CHEK1: variants seen among roughly 807,000 people sequenced by gnomAD.
CHEK1 encodes checkpoint kinase 1.
A neutral mutation model predicts 60.2 loss-of-function variants in CHEK1; 32 were observed. The ratio of observed to expected loss-of-function variants is 0.53; its 90% CI spans 0.40 to 0.71. CHEK1 has a LOEUF of 0.71. Among genes scored for constraint, CHEK1 ranks in the 30% least tolerant of loss-of-function variants. The probability of loss-of-function intolerance (pLI) is 0.00; values close to 1 mark genes in which losing one functional copy is unlikely to be tolerated. For missense variants in CHEK1, 399 were observed against 564.6 expected (o/e 0.71, Z 2.97); for synonymous variants, 179 against 187.2 (o/e 0.96, Z 0.36).
intron 13 of CHEK1, among the ~76,000 whole-genome samples, chr11:125,674,171 C>CTATG (rs1484339292): frequency 6.6e-6 from 1 of 152,050 alleles, no homozygotes; most frequent in East Asian, 1.9e-4. Flanking sequence ...TAGTAAGGAA[C>CTATG]TATGCTAGAC....
At chr11:125,669,707 G>A (rs1296863554) in intron 13 of CHEK1, among the ~76,000 whole-genome samples, 2 of 151,256 alleles carry the variant, frequency 1.3e-5, no homozygotes, top group East Asian at 3.9e-4. Context: ...TATTTTTTTA[G>A]TAGAGACGGG....
chr11:125,678,979 T>TATATATATATATATATAG, downstream of CHEK1, among the ~76,000 whole-genome samples: 1 of 16,290 alleles, frequency 6.1e-5, no homozygotes, highest in African/African-American at 3.2e-4. Flanking sequence ...CTAGGCATAT[T>TATATATATATATATATAG]ATATATATAT....
At chr11:125,641,669 T>C (rs1591405843) in intron 8 of CHEK1, among the ~76,000 whole-genome samples, 1 of 152,222 alleles carries the variant, frequency 6.6e-6, no homozygotes, top group African/African-American at 2.4e-5. Context: ...ATTATTCTTA[T>C]TATGCAGATC....
chr11:125,650,194 A>T (rs1941662219), intron 11 of CHEK1, among the ~76,000 whole-genome samples: 1 of 149,484 alleles, frequency 6.7e-6, no homozygotes, highest in African/African-American at 2.5e-5. Context: ...CATTATGTTT[A>T]TTGTTGGTAT....
At chr11:125,643,983 T>C (rs1941399669) in intron 9 of CHEK1, 83 bp downstream of exon 9, 2 of 1,529,230 alleles carry the variant, frequency 1.3e-6, no homozygotes, top group Non-Finnish European at 9.0e-7. Flanking sequence ...TTCATAATAA[T>C]CGACATTAAC....
chr11:125,626,032 A>G lies in CHEK1; in HGVS notation c.-21+20A>G, dbSNP rs369811098. On this transcript the variant is annotated intron_variant, in intron 1 of 12. Coordinates refer to ENST00000438015, the MANE Select transcript of CHEK1 (RefSeq NM_001114122.3). ...AGTCCGGTGAGGAAGGGCGGCCGGTAGAGTAGGGAAGGTTTCTAAAGAAGG... is the reference window on the plus strand; with the variant it reads ...AGTCCGGTGAGGAAGGGCGGCCGGTGGAGTAGGGAAGGTTTCTAAAGAAGG... 8.6e-6 allele frequency: 6 copies of G among 694,896 alleles called. 1 individual carries two copies. In the African/African-American group the frequency reaches 8.8e-5, roughly 10 times the overall value. The allele number at this position is 694,896 out of a possible 1,614,324, so 43.0% of individuals were successfully genotyped here.
chr11:125,672,506 T>TG, intron 13 of CHEK1: 6 of 1,515,376 alleles, frequency 4.0e-6, no homozygotes, highest in Non-Finnish European at 5.4e-6. Context: ...AGTTGTTGAC[T>TG]GGGGAAGGAA....
intron 13 of CHEK1, among the ~76,000 whole-genome samples, chr11:125,662,921 T>C (rs1942042993): frequency 6.6e-6 from 1 of 152,250 alleles, no homozygotes; most frequent in Non-Finnish European, 1.5e-5. Flanking sequence ...CTGATAGGTA[T>C]GTAGTAATAT....
In CHEK1 at chr11:125,633,231, A is replaced by C; in HGVS notation, c.493A>C (p.Asn165His). ...GTATAATAATCGTGAGCGTTTGTTGAACAAGATGTGTGGTACTTTACCATA... is the reference window on the plus strand; with the variant it reads ...GTATAATAATCGTGAGCGTTTGTTGCACAAGATGTGTGGTACTTTACCATA... ...FRYNNRERLL[N>H]KMCGTLPYVA... is the part of the protein sequence containing the mutation. Residue 165 changes from asparagine to histidine, a missense_variant, in exon 6 of 13, where the codon AAC (asparagine) becomes CAC (histidine). Coordinates refer to ENST00000438015, the MANE Select transcript of CHEK1 (RefSeq NM_001114122.3). The C allele has an allele frequency of 6.2e-7, 1 of 1,606,920 alleles. No homozygotes were observed. The highest frequency in any genetic ancestry group is 1.1e-5 in the South Asian group (1 of 89,164).
chr11:125,662,758 C>T (rs1364968355), intron 13 of CHEK1, among the ~76,000 whole-genome samples: 2 of 152,124 alleles, frequency 1.3e-5, no homozygotes, highest in African/African-American at 4.8e-5. Flanking sequence ...TGGCACTACT[C>T]AATTATATGG....
At chr11:125,655,085 A>G in intron 12 of CHEK1, 140 bp from the exon 13 acceptor site, 2 of 622,694 alleles carry the variant, frequency 3.2e-6, no homozygotes, top group South Asian at 4.1e-5. Context: ...GTCTTCATAA[A>G]CAGACCGAAA....
intron 13 of CHEK1, among the ~76,000 whole-genome samples, chr11:125,669,275 C>T (rs1434705366): frequency 2.0e-5 from 3 of 152,260 alleles, no homozygotes; most frequent in East Asian, 3.9e-4. Flanking sequence ...GTGTTACCTT[C>T]GCTTTTGAAG....
At chr11:125,679,694 T>C (rs991432664), downstream of CHEK1, among the ~76,000 whole-genome samples, 2 of 152,218 alleles carry the variant, frequency 1.3e-5, no homozygotes, top group African/African-American at 4.8e-5. Context: ...AGAGGAATTA[T>C]TGGATCTTTG....
downstream of CHEK1, among the ~76,000 whole-genome samples, chr11:125,661,799 CTA>C (rs1942022761): frequency 6.6e-6 from 1 of 151,902 alleles, no homozygotes; most frequent in Non-Finnish European, 1.5e-5. Flanking sequence ...ATACAATTGT[CTA>C]TTTTGATAAT....
At chr11:125,664,190 T>C (rs1942059855) in intron 13 of CHEK1, among the ~76,000 whole-genome samples, 1 of 151,984 alleles carries the variant, frequency 6.6e-6, no homozygotes, top group Non-Finnish European at 1.5e-5. Flanking sequence ...GGTATCTCAA[T>C]GTGGTAATAT....
At position 125,653,981 on chromosome 11, in the gene CHEK1, G is replaced by T; in HGVS notation, c.1335+134G>T. The T allele has an allele frequency of 9.8e-6, 5 of 510,742 alleles. No individual in the cohort carries two copies. Among genetic ancestry groups the T allele is most frequent in the South Asian group, 3.0e-5 (1 of 32,990 alleles). 31.6% of individuals were successfully genotyped at this position (510,742 alleles called of 1,614,324 possible). A position where few individuals can be genotyped will look rare whatever the true frequency, so the allele number is the denominator to read the frequency against. ...TTTTCGTTTAATATTATGAGCATGT[G>T]TTTTCGTTATCTATTTTTCCCGAAC... On this transcript the variant is annotated intron_variant, in intron 12 of 12. Transcript: ENST00000438015. The surrounding 1 kb of genome is among the most constrained non-coding windows in gnomAD (Gnocchi z 4.3).
chr11:125,626,673 T>C (rs1165187985), intron 1 of CHEK1, 76 bp from the exon 2 acceptor site: 11 of 1,349,322 alleles, frequency 8.2e-6, no homozygotes, highest in Non-Finnish European at 1.2e-5. Flanking sequence ...TGGGCAATCC[T>C]GGGGAGAGGC....
At chr11:125,663,004 A>G (rs1026406746) in intron 13 of CHEK1, among the ~76,000 whole-genome samples, 1 of 151,910 alleles carries the variant, frequency 6.6e-6, no homozygotes, top group African/African-American at 2.4e-5. Context: ...CTCATTTGTC[A>G]TCTATGTATC....
chr11:125,681,034 T>G, downstream of CHEK1: 1 of 343,856 alleles, frequency 2.9e-6, no homozygotes, highest in Non-Finnish European at 5.2e-6. This position sits in a 1 kb window ranked among gnomAD's most constrained non-coding sequence, Gnocchi z 4.2. Flanking sequence ...GTGTGCAGGG[T>G]AGTGTGTTGG....
Sources: allele counts gnomAD v4.1 joint callset (sites outside exome capture counted in the v4.1 genomes callset), GRCh38; gene constraint gnomAD v4.1.1; non-coding constraint Gnocchi (gnomAD v3.1); transcripts MANE v1.5; gene names NCBI Gene and HGNC (gene_info 2026-07-23, HGNC 2026-07-21).